Variants in PLPPR5 observed in about 807,000 individuals in gnomAD.
PLPPR5 encodes phospholipid phosphatase related 5, also known as phospholipid phosphatase-related protein type 5.
Under a neutral mutation model 33.9 loss-of-function variants are expected in PLPPR5, and 16 were observed. The observed-to-expected ratio is 0.47, with a 90% CI of 0.32 to 0.72. The LOEUF is 0.72. Ranked by LOEUF, PLPPR5 falls within the 30% of genes least tolerant of loss-of-function variation. PLPPR5 has a pLI of 0.03. For missense variants in PLPPR5, 301 were observed against 406.7 expected, an observed-to-expected ratio of 0.74 and a Z score of 2.23; for synonymous variants, 163 against 150.3, an observed-to-expected ratio of 1.08 and a Z score of -0.62.
intron 5 of PLPPR5, among the ~76,000 whole-genome samples, chr1:98,904,223 A>T (rs562140313): frequency 2.0e-5 from 3 of 151,566 alleles, no homozygotes; most frequent in Non-Finnish European, 4.4e-5. Flanking sequence ...CCTAAGTATA[A>T]AACTGAATCT....
At chr1:98,956,044 G>A (rs779180845) in intron 2 of PLPPR5, among the ~76,000 whole-genome samples, 3 of 151,866 alleles carry the variant, frequency 2.0e-5, no homozygotes, top group Non-Finnish European at 2.9e-5. Context: ...ATACTTTTTT[G>A]TTTATATAAA....
chr1:98,931,425 A>T (rs1254807491), intron 3 of PLPPR5, among the ~76,000 whole-genome samples: 1 of 152,218 alleles, frequency 6.6e-6, no homozygotes, highest in Non-Finnish European at 1.5e-5. Context: ...AGACACAGAA[A>T]GGTTAAGTAA....
intron 3 of PLPPR5, among the ~76,000 whole-genome samples, chr1:98,947,388 T>C (rs1286446692): frequency 6.6e-6 from 1 of 152,212 alleles, no homozygotes; most frequent in African/African-American, 2.4e-5. Flanking sequence ...TGTAAGTGTC[T>C]TTTACAGAAG....
chr1:98,938,254 T>G (rs549664518), intron 3 of PLPPR5, among the ~76,000 whole-genome samples: 89 of 151,822 alleles, frequency 5.9e-4, no homozygotes, highest in Non-Finnish European at 9.4e-4. Flanking sequence ...CCACCTGGAG[T>G]TTTTATTCAT....
chr1:98,925,495 C>T (rs1374469268), intron 3 of PLPPR5, among the ~76,000 whole-genome samples: 1 of 152,126 alleles, frequency 6.6e-6, no homozygotes, highest in Admixed American at 6.5e-5. Flanking sequence ...TTTGCTTATA[C>T]AAATATATAC....
chr1:98,906,252 A>G (rs933516400), intron 5 of PLPPR5, among the ~76,000 whole-genome samples: 11 of 151,168 alleles, frequency 7.3e-5, no homozygotes, highest in Admixed American at 7.3e-4. Flanking sequence ...GTGTATATAT[A>G]CTAGGTATAT....
intron 3 of PLPPR5, among the ~76,000 whole-genome samples, chr1:98,940,120 T>C (rs1650319326): frequency 1.3e-5 from 2 of 151,586 alleles, no homozygotes; most frequent in Admixed American, 1.3e-4. Context: ...GGGGTTCAGG[T>C]TGGGCACCAG....
At chr1:98,999,948 G>C (rs1652765800) in intron 1 of PLPPR5, among the ~76,000 whole-genome samples, 1 of 152,128 alleles carries the variant, frequency 6.6e-6, no homozygotes, top group Non-Finnish European at 1.5e-5. Flanking sequence ...CTTTATTCTA[G>C]CTTTGTGAAG....
At chr1:99,004,142 C>G (rs971903443) in intron 1 of PLPPR5, 1 of 446,592 alleles carries the variant, frequency 2.2e-6, no homozygotes, top group African/African-American at 2.0e-5. Flanking sequence ...CTTTGCAACC[C>G]GGATCCCCAC....
At chr1:98,943,123 G>A (rs941274458) in intron 3 of PLPPR5, among the ~76,000 whole-genome samples, 15 of 152,004 alleles carry the variant, frequency 9.9e-5, no homozygotes, top group African/African-American at 2.9e-4. Context: ...CAAAATAGAC[G>A]GGGAGCCACG....
At chr1:98,922,087 T>C (rs1437798315) in intron 3 of PLPPR5, 29 bp from the exon 4 acceptor site, 3 of 1,602,756 alleles carry the variant, frequency 1.9e-6, no homozygotes, top group Non-Finnish European at 2.6e-6. Flanking sequence ...AAAATGACTT[T>C]TCATGAAGGT....
intron 1 of PLPPR5, among the ~76,000 whole-genome samples, chr1:98,980,485 C>A (rs191409308): frequency 6.6e-6 from 1 of 152,044 alleles, no homozygotes. Flanking sequence ...AATTAGATGA[C>A]TAAATTTAGA....
intron 3 of PLPPR5, among the ~76,000 whole-genome samples, chr1:98,936,205 G>A (rs1650164090): frequency 6.6e-6 from 1 of 152,204 alleles, no homozygotes; most frequent in Non-Finnish European, 1.5e-5. Context: ...ACTTAGCACA[G>A]TACTGGCATA....
intron 1 of PLPPR5, among the ~76,000 whole-genome samples, chr1:99,002,957 CT>C (rs756416172): frequency 0.023 from 3,213 of 142,052 alleles, 46 homozygotes; most frequent in South Asian, 0.036. Flanking sequence ...AAAAATCGAC[CT>C]TTTTTTTTTT....
At chr1:98,969,537 C>G (rs1196978711) in intron 1 of PLPPR5, among the ~76,000 whole-genome samples, 1 of 151,952 alleles carries the variant, frequency 6.6e-6, no homozygotes, top group African/African-American at 2.4e-5. Flanking sequence ...TTTACCTGAC[C>G]TTTTGGATCT....
chr1:98,899,622 A>C (rs914193764), intron 5 of PLPPR5, among the ~76,000 whole-genome samples: 1 of 151,976 alleles, frequency 6.6e-6, no homozygotes, highest in African/African-American at 2.4e-5. Context: ...TAAAAGTGTT[A>C]AGAAGACCTT....
Position 98,958,722 on chromosome 1 carries a change from T to A in PLPPR5, c.238-1981A>T, listed in dbSNP as rs77186896. 2.4e-3 allele frequency among the ~76,000 whole-genome samples: 366 copies of A among 152,294 alleles called. 2 individuals are homozygous for A. The highest frequency in any genetic ancestry group is 7.4e-3 in the African/African-American group (309 of 41,564). On this transcript the variant is annotated intron_variant, in intron 1 of 5. Transcript: ENST00000263177. ...AATAACGTTTTTCTCATGTCCTACC[T>A]CCTCTTCAGTGCACCTTGAAAGAGA...
chr1:99,001,787 G>C (rs1370265773), intron 1 of PLPPR5, among the ~76,000 whole-genome samples: 1 of 149,124 alleles, frequency 6.7e-6, no homozygotes, highest in African/African-American at 2.5e-5. Context: ...TGAGCGAATT[G>C]AATTTTCATC....
chr1:99,001,668 A>AT (rs1557699418), intron 1 of PLPPR5, among the ~76,000 whole-genome samples: 1 of 106,358 alleles, frequency 9.4e-6, no homozygotes, highest in African/African-American at 3.4e-5. Context: ...TTTGAAAGTT[A>AT]AAGATATATA....
Sources: gnomAD v4.1 joint callset for allele counts (sites outside exome capture counted in the v4.1 genomes callset) on GRCh38, gnomAD v4.1.1 for gene constraint, MANE v1.5 for transcripts, NCBI Gene and HGNC (gene_info 2026-07-23, HGNC 2026-07-21) for gene names.